Variants in NFE2L3 observed in about 807,000 individuals in gnomAD.
NFE2L3 encodes nuclear factor erythroid 2-related factor 3.
Under a neutral mutation model 23.5 loss-of-function variants are expected in NFE2L3, and 18 were observed. The ratio of observed to expected loss-of-function variants is 0.77; its 90% CI spans 0.53 to 1.13. NFE2L3 has a LOEUF of 1.13. NFE2L3 is among the 50% of genes most tolerant of loss of function. The probability of loss-of-function intolerance (pLI) is 0.00; values close to 1 mark genes in which losing one functional copy is unlikely to be tolerated. For synonymous variants in NFE2L3, 424 were observed against 354.5 expected (o/e 1.20, Z -2.20); for missense variants, 1,152 against 877.2 (o/e 1.31, Z -3.96).
At position 26,178,091 on chromosome 7, in the gene NFE2L3, A is replaced by C. The variant is rs1784446308; in HGVS notation, c.719A>C (p.Glu240Ala). 2 of 1,613,748 alleles carry C rather than the reference A, an allele frequency of 1.2e-6. No individual in the cohort carries two copies. Among genetic ancestry groups the C allele is most frequent in the Non-Finnish European group, 1.7e-6 (2 of 1,179,904 alleles). The change falls in exon 2 of 4, where the codon GAG (glutamate) becomes GCG (alanine). Residue 240 changes from glutamate to alanine, a missense_variant. Coordinates refer to ENST00000056233, the MANE Select transcript of NFE2L3 (RefSeq NM_004289.7). ...ENKIAEKPDW[E>A]AEKTTESRNE... Reference sequence around the variant, plus strand: ...AAAATAGCAGAGAAACCTGACTGGGAGGCAGAAAAGACCACTGAATCTAGA... The same window carrying C: ...AAAATAGCAGAGAAACCTGACTGGGCGGCAGAAAAGACCACTGAATCTAGA...
rs570126330 is a variant in NFE2L3, at chr7:26,186,883, G to GA, written c.*1101dup. 1.3e-5 allele frequency: 2 copies of GA among 152,204 alleles called. No homozygotes were observed. Among genetic ancestry groups the GA allele is most frequent in the Non-Finnish European group, 2.9e-5 (2 of 68,030 alleles). 9.4% of individuals were successfully genotyped at this position (152,204 alleles called of 1,614,324 possible). A position where few individuals can be genotyped will look rare whatever the true frequency, so the allele number is the denominator to read the frequency against. ...TTAAGTTCACTAGAACAGTAAACAG[G>GA]AGATTGCTGAATTTTTTGAAGACAG... On this transcript the variant is annotated 3_prime_UTR_variant, in exon 4 of 4. Transcript: ENST00000056233.
chr7:26,183,751 G>C lies in NFE2L3; in HGVS notation c.801G>C (p.Gln267His). The C allele has an allele frequency of 6.2e-7, 1 of 1,613,660 alleles. No homozygotes were observed. The change falls in exon 3 of 4, where the codon CAG becomes CAC. Residue 267 changes from glutamine (Q) to histidine (H), a missense_variant. Coordinates refer to ENST00000056233, the MANE Select transcript of NFE2L3 (RefSeq NM_004289.7). ...CTTTCTCTCTGGAAGACTTATTCCA[G>C]TTGCTTTCATCACAGCCTGAAAATT... ...DTSFSLEDLF[Q>H]LLSSQPENSL...
intron 2 of NFE2L3, among the ~76,000 whole-genome samples, chr7:26,181,942 A>C (rs988834468): frequency 6.6e-6 from 1 of 152,086 alleles, no homozygotes; most frequent in Non-Finnish European, 1.5e-5. Context: ...AAGATGCAAA[A>C]TATGAAAGCA....
chr7:26,163,657 A>C (rs1041730554), intron 1 of NFE2L3, among the ~76,000 whole-genome samples: 3 of 152,032 alleles, frequency 2.0e-5, no homozygotes, highest in African/African-American at 7.2e-5. Context: ...AGGATTCTTT[A>C]TTTATTTATT....
In NFE2L3 at chr7:26,185,619, C is replaced by G. The variant is rs764307829; in HGVS notation, c.1921C>G (p.Leu641Val). Reference sequence around the variant, plus strand: ...CATAATGAAACAGAAACTGCATGACCTTTATCATGATATTTTTAGTAGATT... The same window carrying G: ...CATAATGAAACAGAAACTGCATGACGTTTATCATGATATTTTTAGTAGATT... ...INIMKQKLHD[L>V]YHDIFSRLRD... Residue 641 changes from leucine (L) to valine (V), a missense_variant, in exon 4 of 4, where the codon CTT becomes GTT. Leu to Val is a conservative substitution (Grantham distance 32, BLOSUM62 1). Coordinates refer to ENST00000056233, the MANE Select transcript of NFE2L3 (RefSeq NM_004289.7). 1 of 1,613,820 alleles carries G rather than the reference C, an allele frequency of 6.2e-7. No individual in the cohort carries two copies. Among genetic ancestry groups the G allele is most frequent in the Non-Finnish European group, 8.5e-7 (1 of 1,179,800 alleles).
At chr7:26,159,217 A>C (rs367656323) in intron 1 of NFE2L3, among the ~76,000 whole-genome samples, 2 of 151,848 alleles carry the variant, frequency 1.3e-5, no homozygotes, top group African/African-American at 4.8e-5. Flanking sequence ...CCAGGAGAAA[A>C]CTTTCTTCAT....
chr7:26,171,241 A>G (rs1328236901), intron 1 of NFE2L3, among the ~76,000 whole-genome samples: 4 of 152,230 alleles, frequency 2.6e-5, no homozygotes, highest in Non-Finnish European at 4.4e-5. Flanking sequence ...AGAAACAACT[A>G]TGCACCATTA....
intron 3 of NFE2L3, 87 bp downstream of exon 3, chr7:26,183,871 C>CA (rs774511915): frequency 1.1e-6 from 1 of 875,010 alleles, no homozygotes; most frequent in Non-Finnish European, 1.9e-6. Context: ...ACTTGGATGA[C>CA]ACAGCAGTTT....
At chr7:26,163,142 C>T (rs924227412) in intron 1 of NFE2L3, among the ~76,000 whole-genome samples, 2 of 152,184 alleles carry the variant, frequency 1.3e-5, no homozygotes, top group South Asian at 2.1e-4. Flanking sequence ...CCTCTCTGTC[C>T]GCCCCTCTAT....
intron 2 of NFE2L3, among the ~76,000 whole-genome samples, chr7:26,182,313 T>G (rs3753096): frequency 0.17 from 25,334 of 152,058 alleles, 3,503 homozygotes; most frequent in East Asian, 0.43. Flanking sequence ...ACTCATCATT[T>G]AAGCATGAAG....
intron 2 of NFE2L3, among the ~76,000 whole-genome samples, chr7:26,181,198 A>G (rs1784501544): frequency 6.6e-6 from 1 of 152,008 alleles, no homozygotes; most frequent in Non-Finnish European, 1.5e-5. Context: ...GCTGGTCTCA[A>G]ATTCCTGGGC....
intron 1 of NFE2L3, chr7:26,174,740 T>C (rs923379938): frequency 4.6e-5 from 7 of 152,224 alleles, no homozygotes; most frequent in Non-Finnish European, 8.8e-5. Flanking sequence ...AAAATGTTTT[T>C]CTGTGGTTTG....
At chr7:26,154,621 A>T (rs539057088) in intron 1 of NFE2L3, among the ~76,000 whole-genome samples, 1 of 151,946 alleles carries the variant, frequency 6.6e-6, no homozygotes. Context: ...TGCAATGACG[A>T]CTCACTGCAG....
At position 26,152,453 on chromosome 7, in the gene NFE2L3, G is replaced by C. The variant is rs765018605; in HGVS notation, c.-46G>C. The C allele has an allele frequency of 8.2e-7, 1 of 1,218,522 alleles. No homozygotes were observed. The highest frequency in any genetic ancestry group is 1.0e-6 in the Non-Finnish European group (1 of 977,196). 75.5% of individuals were successfully genotyped at this position (1,218,522 alleles called of 1,614,324 possible). On this transcript the variant is annotated 5_prime_UTR_variant, in exon 1 of 4. Coordinates refer to ENST00000056233, the MANE Select transcript of NFE2L3 (RefSeq NM_004289.7). This position sits in a 1 kb window ranked among gnomAD's most constrained non-coding sequence, Gnocchi z 4.4. ...GTGTCACCCCGGCGGCTGGGGCGCCGGGACCCGCGGGCGCCGGCAGGGGCG... is the reference window on the plus strand; with the variant it reads ...GTGTCACCCCGGCGGCTGGGGCGCCCGGACCCGCGGGCGCCGGCAGGGGCG...
At chr7:26,180,895 T>C (rs567933962) in intron 2 of NFE2L3, among the ~76,000 whole-genome samples, 1 of 152,218 alleles carries the variant, frequency 6.6e-6, no homozygotes, top group Non-Finnish European at 1.5e-5. Context: ...CTTATCAGGC[T>C]TGGTTCCTCA....
chr7:26,176,263 T>C (rs1043234802), intron 1 of NFE2L3, among the ~76,000 whole-genome samples: 2 of 152,202 alleles, frequency 1.3e-5, no homozygotes, highest in Admixed American at 1.3e-4. Flanking sequence ...TACTTCTTTC[T>C]ACACAGACAC....
rs1305386505 is a variant in NFE2L3, at chr7:26,184,747, C to G, written c.1049C>G (p.Thr350Ser). Residue 350 changes from threonine to serine, a missense_variant, in exon 4 of 4, where the codon ACC (threonine) becomes AGC (serine). By Grantham distance (58) the Thr-to-Ser change is moderately conservative (BLOSUM62 1). Coordinates refer to ENST00000056233, the MANE Select transcript of NFE2L3 (RefSeq NM_004289.7). ...TTTCTGCAGTTAAATTCTCATACCACCAATCCTGAGCAAACCCTTCCTGGA... is the reference window on the plus strand; with the variant it reads ...TTTCTGCAGTTAAATTCTCATACCAGCAATCCTGAGCAAACCCTTCCTGGA... ...EPFLQLNSHT[T>S]NPEQTLPGTN... 5.6e-6 allele frequency: 9 copies of G among 1,613,936 alleles called. No individual in the cohort carries two copies. In the East Asian group the frequency reaches 1.8e-4, roughly 32 times the overall value.
chr7:26,184,912 C>T lies in NFE2L3; in HGVS notation c.1214C>T (p.Pro405Leu), dbSNP rs780369728. 2 of 1,613,946 alleles carry T rather than the reference C, an allele frequency of 1.2e-6. No individual in the cohort carries two copies. The highest frequency in any genetic ancestry group is 2.2e-5 in the East Asian group (1 of 44,876). ...MSLATEDNFDPIDVSQLFDEP... is the reference protein window; with the variant it reads ...MSLATEDNFDLIDVSQLFDEP... Reference sequence around the variant, plus strand: ...TTGGCCACAGAAGACAACTTTGATCCAATCGATGTTTCTCAGCTTTTTGAT... The same window carrying T: ...TTGGCCACAGAAGACAACTTTGATCTAATCGATGTTTCTCAGCTTTTTGAT... Residue 405 changes from proline (P) to leucine (L), a missense_variant, in exon 4 of 4, where the codon CCA becomes CTA. Physicochemically the swap from Pro to Leu is moderately conservative, Grantham distance 98 (BLOSUM62 -3). Coordinates refer to ENST00000056233, the MANE Select transcript of NFE2L3 (RefSeq NM_004289.7).
intron 3 of NFE2L3, 85 bp downstream of exon 3, chr7:26,183,869 G>T: frequency 2.3e-6 from 2 of 883,394 alleles, no homozygotes; most frequent in South Asian, 1.4e-5. Flanking sequence ...TTACTTGGAT[G>T]ACACAGCAGT....
Sources: gnomAD v4.1 joint callset for allele counts (sites outside exome capture counted in the v4.1 genomes callset) on GRCh38, gnomAD v4.1.1 for gene constraint, Gnocchi (gnomAD v3.1) non-coding constraint, MANE v1.5 for transcripts, NCBI Gene and HGNC (gene_info 2026-07-23, HGNC 2026-07-21) for gene names.